The following ARHGEF3 variants were observed in gnomAD, a reference collection of about 807,000 sequenced individuals.
ARHGEF3 encodes the protein 59.8 kDA protein.
Under a neutral mutation model 63.2 loss-of-function variants are expected in ARHGEF3, and 28 were observed. The observed-to-expected ratio is 0.44, with a 90% CI of 0.33 to 0.61. ARHGEF3 has a LOEUF of 0.61. Ranked by LOEUF, ARHGEF3 falls within the 20% of genes least tolerant of loss-of-function variation. ARHGEF3 has a pLI of 0.03. For synonymous variants in ARHGEF3, 266 were observed against 254.2 expected, an observed-to-expected ratio of 1.05 and a Z score of -0.44; for missense variants, 533 against 659.3, an observed-to-expected ratio of 0.81 and a Z score of 2.10.
At chr3:56,799,226 C>G (rs1176990921) in intron 1 of ARHGEF3, among the ~76,000 whole-genome samples, 1 of 152,120 alleles carries the variant, frequency 6.6e-6, no homozygotes, top group South Asian at 2.1e-4. Context: ...TCCCCAGGAG[C>G]CTTTTCCTAA....
intron 3 of ARHGEF3, among the ~76,000 whole-genome samples, chr3:56,955,938 G>A (rs1474597893): frequency 2.6e-5 from 4 of 152,234 alleles, no homozygotes; most frequent in Non-Finnish European, 4.4e-5. Context: ...TGGCCAAGGA[G>A]GAATCTGGCC....
In ARHGEF3 at chr3:57,078,944, G is replaced by T. The variant is rs1579237624; in HGVS notation, c.-28+282C>A. On this transcript the variant is annotated intron_variant, in intron 1 of 12. Transcript: ENST00000338458. ...CCAGCAGGAGCGACGGCTAGTCGAG[G>T]CTGGCGGTGGCACTGCCCACCTGCG... is the stretch of plus-strand genomic sequence containing the variant. The T allele has an allele frequency of 2.3e-5, 7 of 310,188 alleles. No homozygotes were observed. The East Asian group carries it at 3.4e-4, about 15-fold the overall frequency. 19.2% of individuals were successfully genotyped at this position (310,188 alleles called of 1,614,324 possible).
chr3:56,982,724 G>A (rs965116414), intron 2 of ARHGEF3, among the ~76,000 whole-genome samples: 2 of 152,172 alleles, frequency 1.3e-5, no homozygotes, highest in Non-Finnish European at 2.9e-5. Flanking sequence ...ATGATGGAAT[G>A]AGTGAGTGCC....
At chr3:56,992,404 A>AAC (rs1701794803) in intron 2 of ARHGEF3, among the ~76,000 whole-genome samples, 1 of 137,462 alleles carries the variant, frequency 7.3e-6, no homozygotes, top group Non-Finnish European at 1.5e-5. Context: ...AAAAAAAAAA[A>AAC]AAAAAAAAAA....
intron 3 of ARHGEF3, among the ~76,000 whole-genome samples, chr3:56,931,960 G>T (rs575899172): frequency 4.7e-4 from 71 of 152,050 alleles, no homozygotes; most frequent in Non-Finnish European, 6.6e-4. Flanking sequence ...GGGTTTTTTT[G>T]TTGTTGTTGT....
intron 4 of ARHGEF3, among the ~76,000 whole-genome samples, chr3:56,858,200 C>T (rs796922509): frequency 3.2e-4 from 43 of 134,422 alleles, no homozygotes; most frequent in African/African-American, 1.2e-3. Flanking sequence ...GCCATGTTTG[C>T]ACCACTGCAC....
intron 1 of ARHGEF3, among the ~76,000 whole-genome samples, chr3:57,042,678 A>G (rs866314446): frequency 1.4e-4 from 4 of 28,838 alleles, no homozygotes; most frequent in African/African-American, 2.7e-4. Context: ...ATATATATAT[A>G]TATATATATA....
At chr3:56,968,295 T>A (rs868857662) in intron 2 of ARHGEF3, among the ~76,000 whole-genome samples, 17 of 55,864 alleles carry the variant, frequency 3.0e-4, no homozygotes, top group East Asian at 1.2e-3. Flanking sequence ...ATAATATATA[T>A]AATATATAAT....
At chr3:57,041,089 T>C (rs1560154749) in intron 1 of ARHGEF3, among the ~76,000 whole-genome samples, 1 of 152,174 alleles carries the variant, frequency 6.6e-6, no homozygotes, top group Non-Finnish European at 1.5e-5. Flanking sequence ...ACACCTACTC[T>C]TATCTCCCCA....
intron 2 of ARHGEF3, among the ~76,000 whole-genome samples, chr3:57,018,718 T>C (rs1469674200): frequency 6.6e-6 from 1 of 152,232 alleles, no homozygotes; most frequent in African/African-American, 2.4e-5. Context: ...AGTCACAACC[T>C]GGCTTTTCCC....
In ARHGEF3 at chr3:56,923,687, AT is replaced by A. The variant is rs2042209224; in HGVS notation, c.129+35135del. On this transcript the variant is annotated intron_variant, in intron 3 of 12. Coordinates refer to the ARHGEF3 transcript ENST00000338458. ...GAAAATACCCCCAAGAAACCAAGAG[AT>A]TTAAAAGCATGTGTGTCCCATGACT... Among the ~76,000 whole-genome samples the A allele has an allele frequency of 1.3e-5, 2 of 152,112 alleles. 1 individual carries two copies. The highest frequency in any genetic ancestry group is 4.1e-4 in the South Asian group (2 of 4,822).
Position 56,793,933 on chromosome 3 carries a change from T to C in ARHGEF3, c.96+7770A>G, listed in dbSNP as rs551798301. 2.6e-5 allele frequency among the ~76,000 whole-genome samples: 4 copies of C among 152,358 alleles called. No individual in the cohort carries two copies. The South Asian group carries it at 6.2e-4, about 24-fold the overall frequency. On this transcript the variant is annotated intron_variant, in intron 1 of 9. Coordinates refer to ENST00000296315, the MANE Select transcript of ARHGEF3 (RefSeq NM_019555.3). The stretch of plus-strand genomic sequence containing the variant: ...CTAAAAGAAATCCTGTTTGTTGACA[T>C]AGTATCATACAGTATCCTTGCACTT...
chr3:56,757,183 T>C (rs1341241937), intron 2 of ARHGEF3, among the ~76,000 whole-genome samples: 2 of 152,084 alleles, frequency 1.3e-5, no homozygotes, highest in African/African-American at 4.8e-5. Context: ...GTTAAATAAG[T>C]TGTAAGTGGC....
chr3:56,911,970 T>C (rs559416853), intron 3 of ARHGEF3, among the ~76,000 whole-genome samples: 127 of 151,016 alleles, frequency 8.4e-4, no homozygotes, highest in South Asian at 2.9e-3. Flanking sequence ...TACACACACA[T>C]ATATATATAC....
At chr3:56,747,053 G>GCA (rs1380548546) in intron 6 of ARHGEF3, among the ~76,000 whole-genome samples, 24 of 131,546 alleles carry the variant, frequency 1.8e-4, no homozygotes, top group South Asian at 5.0e-4. Context: ...ATACATGCGC[G>GCA]CACACACACA....
At chr3:56,781,975 G>A (rs548425404) in intron 1 of ARHGEF3, among the ~76,000 whole-genome samples, 85 of 152,250 alleles carry the variant, frequency 5.6e-4, no homozygotes, top group African/African-American at 1.9e-3. Context: ...ACACAGGAAC[G>A]TAGGGCACAT....
upstream of ARHGEF3, chr3:56,802,088 G>T (rs371718120): frequency 1.6e-5 from 17 of 1,047,100 alleles, 2 homozygotes; most frequent in Admixed American, 4.4e-5. Context: ...GGGGCTGCGA[G>T]GGGCGTGGGG....
chr3:56,931,919 T>C (rs2042422107), intron 3 of ARHGEF3, among the ~76,000 whole-genome samples: 1 of 152,170 alleles, frequency 6.6e-6, no homozygotes, highest in Admixed American at 6.5e-5. Flanking sequence ...GGTGCTTTCC[T>C]CCCCTCTCAA....
At chr3:56,862,517 T>TA (rs2040111156) in intron 4 of ARHGEF3, among the ~76,000 whole-genome samples, 1 of 152,184 alleles carries the variant, frequency 6.6e-6, no homozygotes, top group African/African-American at 2.4e-5. Flanking sequence ...GTTGCTCCTC[T>TA]ATGAGGCCAA....
Sources: allele counts gnomAD v4.1 joint callset (sites outside exome capture counted in the v4.1 genomes callset), GRCh38; gene constraint gnomAD v4.1.1; transcripts MANE v1.5; gene names NCBI Gene and HGNC (gene_info 2026-07-23, HGNC 2026-07-21).